PLEKHG1: variants seen among roughly 807,000 people sequenced by gnomAD.
PLEKHG1 encodes the protein pleckstrin homology and RhoGEF domain containing G1.
In PLEKHG1, 44 loss-of-function variants were observed where a neutral mutation model predicts 100.8. The ratio of observed to expected loss-of-function variants is 0.44; its 90% CI spans 0.34 to 0.56. The LOEUF is 0.56. Among genes scored for constraint, PLEKHG1 ranks in the 20% least tolerant of loss-of-function variants. The pLI is 0.01. For missense variants in PLEKHG1, 1,545 were observed against 1,720.9 expected, an observed-to-expected ratio of 0.90 and a Z score of 1.81; for synonymous variants, 640 against 662.5, an observed-to-expected ratio of 0.97 and a Z score of 0.52.
intron 1 of PLEKHG1, among the ~76,000 whole-genome samples, chr6:150,628,333 A>T (rs1160129484): frequency 6.6e-6 from 1 of 152,100 alleles, no homozygotes; most frequent in East Asian, 1.9e-4. Context: ...TAATATGTGT[A>T]TATTTTTCTT....
intron 2 of PLEKHG1, among the ~76,000 whole-genome samples, chr6:150,761,609 C>G (rs558212642): frequency 2.6e-5 from 4 of 152,062 alleles, no homozygotes; most frequent in Admixed American, 6.6e-5. Context: ...CAATTGATTT[C>G]GGTAATGATT....
At chr6:150,749,039 T>C (rs61061414) in intron 2 of PLEKHG1, among the ~76,000 whole-genome samples, 3,078 of 152,176 alleles carry the variant, frequency 0.02, 109 homozygotes, top group African/African-American at 0.07. Context: ...GCACATGAAG[T>C]GATTAGCACC....
At chr6:150,771,723 C>T (rs891210421) in intron 3 of PLEKHG1, among the ~76,000 whole-genome samples, 7 of 151,950 alleles carry the variant, frequency 4.6e-5, no homozygotes, top group African/African-American at 1.7e-4. Flanking sequence ...TAATAACTTT[C>T]AGCTCCTATT....
intron 1 of PLEKHG1, among the ~76,000 whole-genome samples, chr6:150,603,682 C>A (rs1447088319): frequency 6.6e-6 from 1 of 151,728 alleles, no homozygotes; most frequent in Non-Finnish European, 1.5e-5. Flanking sequence ...TTAAAAAAAA[C>A]AAAAAACAAA....
intron 1 of PLEKHG1, among the ~76,000 whole-genome samples, chr6:150,721,605 G>A (rs1343371891): frequency 1.3e-5 from 2 of 152,192 alleles, no homozygotes; most frequent in Non-Finnish European, 2.9e-5. Context: ...TTCATATGCA[G>A]TCAAAGTTGG....
intron 3 of PLEKHG1, among the ~76,000 whole-genome samples, chr6:150,677,787 G>A (rs561878685): frequency 1.8e-4 from 28 of 151,868 alleles, no homozygotes; most frequent in African/African-American, 6.8e-4. Context: ...TGAGGAGGGC[G>A]GGTCACTTGA....
rs112762333 is a variant in PLEKHG1 at position 150,770,925 on chromosome 6, C to T, written c.512+2187C>T. 2.1e-3 allele frequency among the ~76,000 whole-genome samples: 322 copies of T among 152,262 alleles called. 2 individuals carry two copies. The highest frequency in any genetic ancestry group is 7.4e-3 in the African/African-American group (308 of 41,552). On this transcript the variant is annotated intron_variant, in intron 3 of 15. Coordinates refer to ENST00000358517, the Ensembl canonical transcript of PLEKHG1. ...AGAGTGCTTGCTCCATGCCAGAGGC[C>T]GTAGAGCTTTAGATACATTTTCATT...
intron 15 of PLEKHG1, among the ~76,000 whole-genome samples, chr6:150,837,413 A>T (rs1259536562): frequency 6.6e-6 from 1 of 152,270 alleles, no homozygotes; most frequent in Non-Finnish European, 1.5e-5. Context: ...AGACAAAGGC[A>T]TGGGAAATAC....
In PLEKHG1 at chr6:150,831,665, A is replaced by G; in HGVS notation, c.2554A>G (p.Lys852Glu). 1 of 1,613,180 alleles carries G rather than the reference A, an allele frequency of 6.2e-7. No individual in the cohort carries two copies. Among genetic ancestry groups the G allele is most frequent in the Non-Finnish European group, 8.5e-7 (1 of 1,180,026 alleles). The change falls in exon 15 of 16, where the codon AAG (lysine) becomes GAG (glutamate). Residue 852 changes from lysine to glutamate, a missense_variant. Physicochemically the swap from Lys to Glu is moderately conservative, Grantham distance 56 (BLOSUM62 1). Coordinates refer to ENST00000358517, the Ensembl canonical transcript of PLEKHG1. This position sits in a 1 kb window ranked among gnomAD's most constrained non-coding sequence, Gnocchi z 4.1. ...AAATTACATCAAGAAAAATGAAGAC[A>G]AGGCCAGAGACCGTCTCCTGGCAGC...
chr6:150,754,746 G>A (rs537499106), intron 2 of PLEKHG1, among the ~76,000 whole-genome samples: 5 of 149,612 alleles, frequency 3.3e-5, no homozygotes, highest in South Asian at 2.1e-4. Context: ...TTGGCTCACC[G>A]CAACCTCTGC....
chr6:150,687,044 G>A (rs576168955), intron 3 of PLEKHG1: 1 of 152,630 alleles, frequency 6.6e-6, no homozygotes, highest in Non-Finnish European at 1.5e-5. Flanking sequence ...GGTTCAGAGG[G>A]TGATCATGAG....
chr6:150,608,869 A>C (rs1776709233), intron 1 of PLEKHG1, among the ~76,000 whole-genome samples: 1 of 152,200 alleles, frequency 6.6e-6, no homozygotes, highest in African/African-American at 2.4e-5. Context: ...ATAAGATGAT[A>C]CAGTAAAGAC....
intron 3 of PLEKHG1, among the ~76,000 whole-genome samples, chr6:150,776,902 A>T (rs1369582014): frequency 6.6e-6 from 1 of 150,542 alleles, no homozygotes; most frequent in Non-Finnish European, 1.5e-5. Flanking sequence ...ACTCACACTG[A>T]TGCAATCCTG....
chr6:150,610,875 T>G (rs1273932814), intron 1 of PLEKHG1, among the ~76,000 whole-genome samples: 1 of 152,236 alleles, frequency 6.6e-6, no homozygotes, highest in Non-Finnish European at 1.5e-5. Context: ...CAACAGGGAT[T>G]GTGTTTATTC....
At chr6:150,829,068 A>G (rs1223984140) in intron 14 of PLEKHG1, among the ~76,000 whole-genome samples, 2 of 152,180 alleles carry the variant, frequency 1.3e-5, no homozygotes, top group East Asian at 1.9e-4. Flanking sequence ...AGATATTCCA[A>G]TTAACATCTA....
At chr6:150,656,294 G>A (rs1171173369) in intron 3 of PLEKHG1, among the ~76,000 whole-genome samples, 1 of 151,978 alleles carries the variant, frequency 6.6e-6, no homozygotes, top group Non-Finnish European at 1.5e-5. Flanking sequence ...AAAAATACTT[G>A]TTTTCTCTCA....
intron 6 of PLEKHG1, among the ~76,000 whole-genome samples, chr6:150,804,155 T>TATATATATA (rs1554276213): frequency 4.6e-4 from 14 of 30,272 alleles, no homozygotes; most frequent in East Asian, 2.8e-3. Flanking sequence ...TGTAAATATT[T>TATATATATA]TATATATATA....
intron 1 of PLEKHG1, among the ~76,000 whole-genome samples, chr6:150,613,027 A>C (rs1034968063): frequency 2.6e-5 from 4 of 152,050 alleles, no homozygotes; most frequent in South Asian, 2.1e-4. Flanking sequence ...GACCCTCCCT[A>C]GTCTGGCCCC....
intron 3 of PLEKHG1, among the ~76,000 whole-genome samples, chr6:150,693,967 C>T (rs912608781): frequency 2.0e-5 from 3 of 152,196 alleles, no homozygotes; most frequent in African/African-American, 7.2e-5. Flanking sequence ...CAAGTCGGTA[C>T]AGGCTTTGTG....
Sources: allele counts gnomAD v4.1 joint callset (sites outside exome capture counted in the v4.1 genomes callset), GRCh38; gene constraint gnomAD v4.1.1; non-coding constraint Gnocchi (gnomAD v3.1); transcripts MANE v1.5; gene names NCBI Gene and HGNC (gene_info 2026-07-23, HGNC 2026-07-21).